Variants in FBXO34 observed in about 807,000 individuals in gnomAD.
The protein encoded by FBXO34 is F-box only protein 34.
In FBXO34, 12 loss-of-function variants were observed where a neutral mutation model predicts 24.5. The ratio of observed to expected loss-of-function variants is 0.49; its 90% CI spans 0.31 to 0.79. The LOEUF is 0.79. Among genes scored for constraint, FBXO34 ranks in the 30% least tolerant of loss-of-function variants. The pLI, the probability that FBXO34 is intolerant of heterozygous loss-of-function variation, is 0.04. For synonymous variants in FBXO34, 320 were observed against 311.9 expected (o/e 1.03, Z -0.27); for missense variants, 823 against 857.7 (o/e 0.96, Z 0.51).
intron 1 of FBXO34, among the ~76,000 whole-genome samples, chr14:55,311,992 G>A (rs1018207537): frequency 1.3e-5 from 2 of 152,138 alleles, no homozygotes; most frequent in African/African-American, 4.8e-5. Context: ...ACGAGGTAAG[G>A]CGTTCGAGAC....
the FBXO34 span, chr14:55,435,978 AG>A: frequency 1.9e-6 from 2 of 1,065,580 alleles, no homozygotes; most frequent in Non-Finnish European, 2.7e-6. Flanking sequence ...AGATATAAAG[AG>A]TAAAAAAAAA....
chr14:55,425,514 T>G, the FBXO34 span, among the ~76,000 whole-genome samples: 8 of 152,320 alleles, frequency 5.3e-5, no homozygotes, highest in African/African-American at 1.9e-4. Context: ...GTGCTCCCAA[T>G]TAGGAATATA....
At chr14:55,417,453 TAAAAAAAAAAAAA>T in the FBXO34 span, among the ~76,000 whole-genome samples, 54 of 91,344 alleles carry the variant, frequency 5.9e-4, no homozygotes, top group South Asian at 7.6e-4. Context: ...ACCCTTGCCT[TAAAAAAAAAAAAA>T]AAAAAAAAAA....
At chr14:55,442,042 C>G in the FBXO34 span, among the ~76,000 whole-genome samples, 1 of 151,754 alleles carries the variant, frequency 6.6e-6, no homozygotes, top group Non-Finnish European at 1.5e-5. Flanking sequence ...GAATGACAGG[C>G]ACGAGCCACC....
At chr14:55,401,636 T>C in the FBXO34 span, among the ~76,000 whole-genome samples, 4 of 152,234 alleles carry the variant, frequency 2.6e-5, no homozygotes, top group African/African-American at 9.6e-5. Flanking sequence ...TTCCATACTT[T>C]TATGACTTAT....
downstream of FBXO34, among the ~76,000 whole-genome samples, chr14:55,370,570 T>C (rs80197603): frequency 7.7e-4 from 117 of 152,294 alleles, no homozygotes; most frequent in African/African-American, 2.7e-3. Flanking sequence ...TAACCCTTTC[T>C]TAGGCCTCAT....
At chr14:55,338,501 T>G (rs764710036) in intron 1 of FBXO34, among the ~76,000 whole-genome samples, 17 of 152,190 alleles carry the variant, frequency 1.1e-4, no homozygotes, top group African/African-American at 3.6e-4. Flanking sequence ...ACCTGGCACA[T>G]AGTAAACATT....
intron 1 of FBXO34, among the ~76,000 whole-genome samples, chr14:55,338,332 A>T (rs1448591269): frequency 6.6e-6 from 1 of 151,928 alleles, no homozygotes; most frequent in Non-Finnish European, 1.5e-5. Context: ...TACAGGCATG[A>T]GCCACTGCGG....
the FBXO34 span, among the ~76,000 whole-genome samples, chr14:55,422,372 A>G: frequency 6.6e-6 from 1 of 152,156 alleles, no homozygotes; most frequent in South Asian, 2.1e-4. Context: ...CAGCCTCCTG[A>G]GTAGCTGGGA....
At chr14:55,339,841 T>G (rs928071406) in intron 1 of FBXO34, among the ~76,000 whole-genome samples, 7 of 152,184 alleles carry the variant, frequency 4.6e-5, no homozygotes, top group Non-Finnish European at 8.8e-5. Context: ...GTGCACATAC[T>G]GCTACTTCAG....
chr14:55,327,316 AG>A (rs930312572), intron 1 of FBXO34, among the ~76,000 whole-genome samples: 9 of 152,132 alleles, frequency 5.9e-5, no homozygotes, highest in African/African-American at 2.2e-4. Flanking sequence ...TGAGAAAGAG[AG>A]GGGGCATCTT....
the FBXO34 span, among the ~76,000 whole-genome samples, chr14:55,442,545 G>A: frequency 6.6e-6 from 1 of 152,152 alleles, no homozygotes; most frequent in Admixed American, 6.5e-5. Flanking sequence ...ACTGACCTTA[G>A]AACGTAGCAT....
In FBXO34 at chr14:55,351,470, T is replaced by G; in HGVS notation, c.1080T>G (p.Pro360=). 1 of 1,614,134 alleles carries G rather than the reference T, an allele frequency of 6.2e-7. No homozygotes were observed. ...CGPSRADRCS[P]KEDQAWDGAS... ...CTTCAAGAGCTGATCGTTGTTCTCCTAAGGAGGACCAGGCCTGGGACGGTG... is the reference window on the plus strand; with the variant it reads ...CTTCAAGAGCTGATCGTTGTTCTCCGAAGGAGGACCAGGCCTGGGACGGTG... The change falls in exon 2 of 2, where the codon CCT becomes CCG. Residue 360 remains proline (P), a synonymous_variant. Transcript: ENST00000313833.
chr14:55,342,347 T>C (rs1884019319), intron 1 of FBXO34, among the ~76,000 whole-genome samples: 1 of 152,204 alleles, frequency 6.6e-6, no homozygotes, highest in African/African-American at 2.4e-5. Flanking sequence ...AAAGGACTTT[T>C]CTGTCGTTCG....
chr14:55,363,821 A>G (rs904747568), downstream of FBXO34, among the ~76,000 whole-genome samples: 11 of 151,568 alleles, frequency 7.3e-5, no homozygotes, highest in South Asian at 2.1e-4. Context: ...AATTCTTCCA[A>G]TGTGGCCCAC....
the FBXO34 span, among the ~76,000 whole-genome samples, chr14:55,405,122 G>T: frequency 6.6e-6 from 1 of 152,196 alleles, no homozygotes; most frequent in Non-Finnish European, 1.5e-5. Flanking sequence ...TGAAACAGTC[G>T]TAAGGCTGAT....
rs77678519 is a variant in FBXO34 at position 55,280,527 on chromosome 14, C to CTTTTTTTT, written c.-11+9000_-11+9007dup. Among the ~76,000 whole-genome samples, 86 of 125,878 alleles carry CTTTTTTTT rather than the reference C, an allele frequency of 6.8e-4. 3 individuals carry two copies. Among genetic ancestry groups the CTTTTTTTT allele is most frequent in the Non-Finnish European group, 9.2e-4 (57 of 62,002 alleles). 82.6% of individuals were successfully genotyped at this position (125,878 alleles called of 152,430 possible). A position where few individuals can be genotyped will look rare whatever the true frequency, so the allele number is the denominator to read the frequency against. On this transcript the variant is annotated intron_variant, in intron 1 of 1. Coordinates refer to ENST00000313833, the MANE Select transcript of FBXO34 (RefSeq NM_017943.4). ...ATACTACACCATTTTATATCAGGAA[C>CTTTTTTTT]TTTTTTTTTTTTTTTTTGAGATGGA...
the FBXO34 span, chr14:55,435,897 C>T: frequency 1.1e-5 from 17 of 1,578,632 alleles, no homozygotes; most frequent in Non-Finnish European, 1.5e-5. Context: ...TTCTTCAGAT[C>T]CAACTTACAG....
At chr14:55,293,805 G>C (rs767757864) in intron 1 of FBXO34, among the ~76,000 whole-genome samples, 1 of 150,608 alleles carries the variant, frequency 6.6e-6, no homozygotes, top group Non-Finnish European at 1.5e-5. Context: ...GTAAACATTT[G>C]TTGAATGAAT....
Sources: gnomAD v4.1 joint callset for allele counts (sites outside exome capture counted in the v4.1 genomes callset) on GRCh38, gnomAD v4.1.1 for gene constraint, MANE v1.5 for transcripts, NCBI Gene and HGNC (gene_info 2026-07-23, HGNC 2026-07-21) for gene names.